The following CSMD1 variants were observed in gnomAD, a reference collection of about 807,000 sequenced individuals.
CSMD1 encodes the protein CUB and sushi domain-containing protein 1.
In CSMD1, 213 loss-of-function variants were observed where a neutral mutation model predicts 417.5. The observed-to-expected ratio is 0.51, with a 90% confidence interval of 0.46 to 0.57. The LOEUF (loss-of-function observed/expected upper bound fraction) is 0.57. Among genes scored for constraint, CSMD1 ranks in the 20% least tolerant of loss-of-function variants. The pLI, the probability that CSMD1 is intolerant of heterozygous loss-of-function variation, is 0.00. For synonymous variants in CSMD1, 2,862 were observed against 1,736.8 expected (o/e 1.65, Z -16.11); for missense variants, 6,923 against 4,529.7 (o/e 1.53, Z -15.17).
chr8:4,254,615 C>A (rs1803320311), intron 3 of CSMD1, among the ~76,000 whole-genome samples: 1 of 152,174 alleles, frequency 6.6e-6, no homozygotes, highest in Admixed American at 6.5e-5. Flanking sequence ...TCACCCTGGA[C>A]AACTTCCAGG....
intron 2 of CSMD1, among the ~76,000 whole-genome samples, chr8:4,619,402 G>A (rs1055451623): frequency 6.6e-6 from 1 of 152,138 alleles, no homozygotes; most frequent in South Asian, 2.1e-4. Flanking sequence ...TTCTTTTCAT[G>A]AAATAATTAA....
chr8:4,919,274 T>C (rs1585327379), intron 1 of CSMD1, among the ~76,000 whole-genome samples: 1 of 152,138 alleles, frequency 6.6e-6, no homozygotes, highest in East Asian at 1.9e-4. Context: ...AAAAGAAGAG[T>C]TCTGTCAATT....
At chr8:4,321,328 G>A (rs1356693967) in intron 3 of CSMD1, among the ~76,000 whole-genome samples, 1 of 152,142 alleles carries the variant, frequency 6.6e-6, no homozygotes, top group East Asian at 1.9e-4. Flanking sequence ...TCCTGAAATG[G>A]CCATACGTCT....
chr8:4,297,703 C>T (rs959537688), intron 3 of CSMD1, among the ~76,000 whole-genome samples: 11 of 152,104 alleles, frequency 7.2e-5, no homozygotes, highest in African/African-American at 2.7e-4. Context: ...CCGGAGCCAT[C>T]GGTGATCGCC....
intron 3 of CSMD1, among the ~76,000 whole-genome samples, chr8:4,251,937 G>C (rs967238455): frequency 1.3e-5 from 2 of 151,694 alleles, no homozygotes; most frequent in South Asian, 2.1e-4. Flanking sequence ...GGGAGGGAAA[G>C]AGAGTAGAGG....
chr8:4,092,334 C>T (rs1446526125), intron 3 of CSMD1, among the ~76,000 whole-genome samples: 1 of 152,168 alleles, frequency 6.6e-6, no homozygotes, highest in Non-Finnish European at 1.5e-5. Context: ...GTGTCTGATG[C>T]TCCAGGAGAA....
At chr8:4,134,699 A>G (rs976305511) in intron 3 of CSMD1, among the ~76,000 whole-genome samples, 4 of 152,206 alleles carry the variant, frequency 2.6e-5, no homozygotes, top group Non-Finnish European at 5.9e-5. Context: ...GATTTCTGTG[A>G]ACCACACCAC....
chr8:4,062,567 T>C (rs967475678), intron 3 of CSMD1, among the ~76,000 whole-genome samples: 1 of 152,026 alleles, frequency 6.6e-6, no homozygotes, highest in Non-Finnish European at 1.5e-5. Flanking sequence ...GTGAAACATA[T>C]CCTATAAAAG....
intron 5 of CSMD1, among the ~76,000 whole-genome samples, chr8:3,833,208 AT>A (rs1232187606): frequency 1.3e-5 from 2 of 152,068 alleles, no homozygotes; most frequent in South Asian, 2.1e-4. Flanking sequence ...TTAATCAAGA[AT>A]TTTTTTGTCC....
chr8:4,102,878 C>G (rs1329555557), intron 3 of CSMD1, among the ~76,000 whole-genome samples: 2 of 152,178 alleles, frequency 1.3e-5, no homozygotes, highest in Non-Finnish European at 1.5e-5. Flanking sequence ...GCCCTTACCT[C>G]TGCAGTCTAA....
intron 3 of CSMD1, among the ~76,000 whole-genome samples, chr8:4,154,357 T>C (rs1029279965): frequency 6.6e-6 from 1 of 152,218 alleles, no homozygotes; most frequent in African/African-American, 2.4e-5. Context: ...GTCAAGCAAA[T>C]GTCCATGTTT....
intron 10 of CSMD1, among the ~76,000 whole-genome samples, chr8:3,504,060 G>A (rs979952623): frequency 6.6e-5 from 10 of 152,022 alleles, no homozygotes; most frequent in Non-Finnish European, 1.3e-4. Context: ...ACAACAATTT[G>A]CTGTGTATTT....
intron 1 of CSMD1, among the ~76,000 whole-genome samples, chr8:4,764,609 A>G (rs1392248565): frequency 6.6e-6 from 1 of 152,062 alleles, no homozygotes; most frequent in Non-Finnish European, 1.5e-5. Context: ...AAAAGAGTGG[A>G]AAGATTTTTG....
intron 68 of CSMD1, among the ~76,000 whole-genome samples, chr8:2,942,948 G>A (rs1040820188): frequency 6.6e-6 from 1 of 152,132 alleles, no homozygotes; most frequent in African/African-American, 2.4e-5. Flanking sequence ...TCTATATTCA[G>A]AGGTCAATAA....
chr8:4,354,251 T>C (rs953945069), intron 3 of CSMD1, among the ~76,000 whole-genome samples: 1 of 152,172 alleles, frequency 6.6e-6, no homozygotes, highest in African/African-American at 2.4e-5. Context: ...AACAACATTG[T>C]AGATCACGGT....
intron 1 of CSMD1, among the ~76,000 whole-genome samples, chr8:4,817,260 C>T (rs2117366878): frequency 6.6e-6 from 1 of 152,092 alleles, no homozygotes; most frequent in Middle Eastern, 3.4e-3. Context: ...GAAGATTTTC[C>T]CACTAATATG....
chr8:3,715,137 A>G (rs908878381), intron 6 of CSMD1, among the ~76,000 whole-genome samples: 1 of 152,132 alleles, frequency 6.6e-6, no homozygotes, highest in Admixed American at 6.5e-5. Flanking sequence ...AATTCAGATC[A>G]CCTTATATTT....
At chr8:3,736,863 G>C (rs2129049180) in intron 6 of CSMD1, among the ~76,000 whole-genome samples, 1 of 152,306 alleles carries the variant, frequency 6.6e-6, no homozygotes, top group East Asian at 1.9e-4. Context: ...ATGAATGGGT[G>C]AAAGCCATGC....
At chr8:2,987,072 C>A (rs979742107) in intron 54 of CSMD1, among the ~76,000 whole-genome samples, 2 of 152,084 alleles carry the variant, frequency 1.3e-5, no homozygotes, top group Non-Finnish European at 2.9e-5. Flanking sequence ...ACAACTAATT[C>A]TTAATGGTCT....
Sources: gnomAD v4.1 joint callset for allele counts (sites outside exome capture counted in the v4.1 genomes callset) on GRCh38, gnomAD v4.1.1 for gene constraint, MANE v1.5 for transcripts, NCBI Gene and HGNC (gene_info 2026-07-23, HGNC 2026-07-21) for gene names.